JMJD1C: variants seen among roughly 807,000 people sequenced by gnomAD.
JMJD1C encodes the protein jumonji domain containing 1C.
Under a neutral mutation model 245.3 loss-of-function variants are expected in JMJD1C, and 31 were observed. The ratio of observed to expected loss-of-function variants is 0.13; its 90% CI spans 0.09 to 0.17. The LOEUF (loss-of-function observed/expected upper bound fraction) is 0.17, where lower values mean the gene tolerates loss of function less well. Among genes scored for constraint, JMJD1C ranks in the 10% least tolerant of loss-of-function variants. JMJD1C has a pLI of 1.00. For synonymous variants in JMJD1C, 1,057 were observed against 1,017.4 expected, an observed-to-expected ratio of 1.04 and a Z score of -0.74; for missense variants, 2,691 against 3,000.2, an observed-to-expected ratio of 0.90 and a Z score of 2.41.
chr10:63,214,767 T>C lies in JMJD1C; in HGVS notation c.1400A>G (p.Gln467Arg), dbSNP rs760216820. 6.2e-7 allele frequency: 1 copy of C among 1,613,454 alleles called. No individual in the cohort carries two copies. Among genetic ancestry groups the C allele is most frequent in the South Asian group, 1.1e-5 (1 of 91,054 alleles). ...AGAATTATGATCAGAAACTGTGGAC[T>C]GTTCTGACGAATGAATAATCATATC... ...QEDMIIHSSE[Q>R]STVSDHNSND... Residue 467 changes from glutamine to arginine, a missense_variant, in exon 8 of 26, where the codon CAG becomes CGG. Physicochemically the swap from Gln to Arg is conservative, Grantham distance 43. Coordinates refer to ENST00000399262, the MANE Select transcript of JMJD1C (RefSeq NM_032776.3).
intron 13 of JMJD1C, among the ~76,000 whole-genome samples, chr10:63,195,819 C>T (rs1845393714): frequency 6.6e-6 from 1 of 152,072 alleles, no homozygotes; most frequent in African/African-American, 2.4e-5. Context: ...GTCCCAGCTA[C>T]TCGGAGAGAC....
rs745783138 is a variant in JMJD1C at position 63,206,660 on chromosome 10, G to A, written c.5009C>T (p.Pro1670Leu). The A allele has an allele frequency of 8.7e-6, 14 of 1,612,062 alleles. No homozygotes were observed. Among genetic ancestry groups the A allele is most frequent in the East Asian group, 2.2e-5 (1 of 44,822 alleles). ...GGCACTCCTGCTGAGAACTCCATTG[G>A]GTTTCAAATCTTCTTCTATTTCACC... ...RKGEIEEDLK[P>L]NGVLSRSAKE... Residue 1670 changes from proline (P) to leucine (L), a missense_variant, in exon 10 of 26, where the codon CCC (proline) becomes CTC (leucine). By Grantham distance (98) the Pro-to-Leu change is moderately conservative (BLOSUM62 -3). This residue lies in a region of JMJD1C where 144 missense variants were observed against 143.3 expected (regional missense o/e 1.00). Transcript: ENST00000399262.
At chr10:63,394,636 G>GGA (rs1414116501) in intron 1 of JMJD1C, among the ~76,000 whole-genome samples, 1 of 151,900 alleles carries the variant, frequency 6.6e-6, no homozygotes. Flanking sequence ...CCTGAGGTTG[G>GGA]GAGTTCGAGA....
intron 1 of JMJD1C, among the ~76,000 whole-genome samples, chr10:63,515,389 A>C (rs1420636249): frequency 6.6e-6 from 1 of 152,154 alleles, no homozygotes; most frequent in Non-Finnish European, 1.5e-5. Flanking sequence ...TTTTTCTCAA[A>C]TATTTACTGT....
chr10:63,473,108 G>T, intron 1 of JMJD1C, among the ~76,000 whole-genome samples: 1 of 151,902 alleles, frequency 6.6e-6, no homozygotes, highest in East Asian at 1.9e-4. Flanking sequence ...ATCTGTTAAT[G>T]TATCCCTTAA....
chr10:63,499,596 A>C (rs1954477902), intron 1 of JMJD1C, among the ~76,000 whole-genome samples: 1 of 152,204 alleles, frequency 6.6e-6, no homozygotes, highest in Non-Finnish European at 1.5e-5. Flanking sequence ...ATATAATGAA[A>C]AACAACAGTT....
At chr10:63,256,651 G>A (rs779264327) in intron 3 of JMJD1C, among the ~76,000 whole-genome samples, 3 of 152,086 alleles carry the variant, frequency 2.0e-5, no homozygotes, top group Non-Finnish European at 4.4e-5. Flanking sequence ...TTCTGGCCTC[G>A]TCTCCTAGAC....
chr10:63,321,859 A>G (rs1940912073), intron 2 of JMJD1C, among the ~76,000 whole-genome samples: 1 of 152,184 alleles, frequency 6.6e-6, no homozygotes, highest in Non-Finnish European at 1.5e-5. Context: ...GACCTGGGAC[A>G]AAGCTTCTCT....
chr10:63,189,809 C>T (rs1194248079), intron 17 of JMJD1C, among the ~76,000 whole-genome samples: 1 of 151,906 alleles, frequency 6.6e-6, no homozygotes, highest in African/African-American at 2.4e-5. Flanking sequence ...CTCCTGGGCT[C>T]AAGCAATCCT....
intron 2 of JMJD1C, among the ~76,000 whole-genome samples, chr10:63,367,425 T>C (rs1156578834): frequency 6.6e-6 from 1 of 152,106 alleles, no homozygotes; most frequent in Non-Finnish European, 1.5e-5. Context: ...TTTGTACTTT[T>C]AGGAGAGATG....
exon 1 of JMJD1C, chr10:63,521,792 G>A (rs1423772602): frequency 3.1e-5 from 10 of 318,524 alleles, no homozygotes; most frequent in African/African-American, 4.4e-5. Flanking sequence ...TAGCTGCGGC[G>A]ACTGCGGCTG....
intron 1 of JMJD1C, among the ~76,000 whole-genome samples, chr10:63,407,800 C>T (rs1949256379): frequency 7.0e-6 from 1 of 142,076 alleles, no homozygotes; most frequent in Non-Finnish European, 1.5e-5. Flanking sequence ...TATCAAAATA[C>T]AACAATCTGG....
At chr10:63,202,504 C>CA in intron 10 of JMJD1C, 1 of 985,438 alleles carries the variant, frequency 1.0e-6, no homozygotes, top group Non-Finnish European at 1.2e-6. Context: ...CAGAAACTTA[C>CA]AAAGCACTGT....
At chr10:63,376,209 G>C (rs1451264699) in intron 2 of JMJD1C, among the ~76,000 whole-genome samples, 1 of 151,008 alleles carries the variant, frequency 6.6e-6, no homozygotes, top group African/African-American at 2.4e-5. Flanking sequence ...TCCAACAAAT[G>C]GTGCTGGAAA....
At chr10:63,468,592 A>G (rs1221533486), upstream of JMJD1C, among the ~76,000 whole-genome samples, 1 of 152,242 alleles carries the variant, frequency 6.6e-6, no homozygotes, top group Admixed American at 6.5e-5. Context: ...GGTAAAAAGA[A>G]TGACAGTGAA....
intron 1 of JMJD1C, among the ~76,000 whole-genome samples, chr10:63,491,452 T>C (rs1399692629): frequency 2.6e-5 from 4 of 152,158 alleles, no homozygotes; most frequent in African/African-American, 9.7e-5. Flanking sequence ...TAACTCTTGA[T>C]CCCCCTTCCT....
exon 1 of JMJD1C, chr10:63,521,810 G>T: frequency 3.7e-6 from 1 of 272,252 alleles, no homozygotes; most frequent in Non-Finnish European, 6.8e-6. Flanking sequence ...CTGCGACGGC[G>T]GCGGCGGCTG....
rs1313048220 is a variant in JMJD1C at position 63,189,305 on chromosome 10, ATAT to A, written c.6430_6432del (p.Ile2144del). On this transcript the variant is annotated inframe_deletion, in exon 18 of 26. Coordinates refer to ENST00000399262, the MANE Select transcript of JMJD1C (RefSeq NM_032776.3). ...AATTTATTATTTTCATCCACTGCAG[ATAT>A]TATGCTTTCTTCAGGCTCTTCTTTA... 1 of 1,613,838 alleles carries A rather than the reference ATAT, an allele frequency of 6.2e-7. No homozygotes were observed. The highest frequency in any genetic ancestry group is 8.5e-7 in the Non-Finnish European group (1 of 1,179,868).
intron 2 of JMJD1C, among the ~76,000 whole-genome samples, chr10:63,358,530 T>C (rs894351707): frequency 6.6e-6 from 1 of 151,860 alleles, no homozygotes; most frequent in African/African-American, 2.4e-5. Context: ...ACGATATAAT[T>C]AAGATATATC....
Sources: gnomAD v4.1 joint callset for allele counts (sites outside exome capture counted in the v4.1 genomes callset) on GRCh38, gnomAD v4.1.1 for gene constraint, gnomAD v4.1.1 regional missense constraint, MANE v1.5 for transcripts, NCBI Gene and HGNC (gene_info 2026-07-23, HGNC 2026-07-21) for gene names.